The following TBC1D19 variants were observed in gnomAD, a reference collection of about 807,000 sequenced individuals.
TBC1D19 encodes the protein TBC1 domain family, member 19.
TBC1D19 carries 60 observed loss-of-function variants against 89.0 expected under a neutral mutation model. That is an observed-to-expected ratio of 0.67 (90% CI 0.55 to 0.84). The LOEUF is 0.84. Ranked by LOEUF, TBC1D19 falls within the 40% of genes least tolerant of loss-of-function variation. TBC1D19 has a pLI of 0.00. For synonymous variants in TBC1D19, 189 were observed against 199.7 expected (o/e 0.95, Z 0.45); for missense variants, 500 against 610.8 (o/e 0.82, Z 1.91).
the TBC1D19 span, among the ~76,000 whole-genome samples, chr4:26,850,879 C>T: frequency 5.3e-5 from 8 of 152,146 alleles, no homozygotes; most frequent in Non-Finnish European, 1.0e-4. Flanking sequence ...CTGGGCTTGT[C>T]TGAGAGGGTG....
At chr4:26,604,100 A>G (rs1740806372) in intron 1 of TBC1D19, among the ~76,000 whole-genome samples, 1 of 150,158 alleles carries the variant, frequency 6.7e-6, no homozygotes, top group Admixed American at 6.6e-5. Flanking sequence ...TTAGCCTGAT[A>G]TCATGAACGT....
rs776429980 is a variant in TBC1D19 at position 26,620,708 on chromosome 4, C to A, written c.294+20C>A. 7.5e-6 allele frequency: 12 copies of A among 1,608,694 alleles called. No homozygotes were observed. The highest frequency in any genetic ancestry group is 1.0e-5 in the Non-Finnish European group (12 of 1,176,616). On this transcript the variant is annotated intron_variant, in intron 4 of 20. Coordinates refer to ENST00000264866, the MANE Select transcript of TBC1D19 (RefSeq NM_018317.4). ...GCACAGGTTGGCTATTGTTCAATTT[C>A]ATTTTATTTTTTCATGCCAAGTTAT...
intron 15 of TBC1D19, among the ~76,000 whole-genome samples, chr4:26,734,061 G>T (rs1717822597): frequency 6.6e-6 from 1 of 152,164 alleles, no homozygotes; most frequent in Non-Finnish European, 1.5e-5. Flanking sequence ...AAATATTTCT[G>T]AACATTTTCA....
chr4:26,697,214 G>A (rs1714868779), intron 13 of TBC1D19, among the ~76,000 whole-genome samples: 1 of 152,134 alleles, frequency 6.6e-6, no homozygotes, highest in Non-Finnish European at 1.5e-5. Flanking sequence ...TACCATCAGA[G>A]AATACTATAA....
At chr4:26,685,258 C>T (rs573365286) in intron 12 of TBC1D19, among the ~76,000 whole-genome samples, 81 of 152,280 alleles carry the variant, frequency 5.3e-4, no homozygotes, top group Admixed American at 1.4e-3. Context: ...GGGCTGGGAG[C>T]GTGCCTCTCT....
At chr4:26,722,368 T>G (rs540040982) in intron 15 of TBC1D19, among the ~76,000 whole-genome samples, 3 of 152,242 alleles carry the variant, frequency 2.0e-5, no homozygotes, top group African/African-American at 4.8e-5. Context: ...TTCAACTTAG[T>G]TTAGAATATA....
At chr4:26,757,705 C>T (rs1719322051), downstream of TBC1D19, among the ~76,000 whole-genome samples, 1 of 152,160 alleles carries the variant, frequency 6.6e-6, no homozygotes, top group Non-Finnish European at 1.5e-5. Context: ...AAATAGAGAC[C>T]ATTAAGCTTG....
chr4:26,595,901 G>A (rs1465761620), intron 1 of TBC1D19, among the ~76,000 whole-genome samples: 1 of 152,016 alleles, frequency 6.6e-6, no homozygotes, highest in Non-Finnish European at 1.5e-5. Context: ...CTCCAACTTT[G>A]TTGTACTTCA....
intron 13 of TBC1D19, among the ~76,000 whole-genome samples, chr4:26,690,269 G>A (rs1714159821): frequency 6.6e-6 from 1 of 152,180 alleles, no homozygotes; most frequent in Non-Finnish European, 1.5e-5. Context: ...AAGGAAAAAT[G>A]CCATCTCCAT....
intron 8 of TBC1D19, 44 bp downstream of exon 8, chr4:26,659,751 C>A: frequency 7.6e-7 from 1 of 1,318,876 alleles, no homozygotes; most frequent in Non-Finnish European, 1.1e-6. Flanking sequence ...AGAAGATAAC[C>A]ATTAGAAAAA....
At chr4:26,710,072 G>C (rs1396008623) in intron 13 of TBC1D19, among the ~76,000 whole-genome samples, 1 of 151,790 alleles carries the variant, frequency 6.6e-6, no homozygotes, top group East Asian at 1.9e-4. Context: ...GGGCACATGT[G>C]CACAATGTGC....
chr4:26,576,951 T>C, intron 1 of TBC1D19: 1 of 422,240 alleles, frequency 2.4e-6, no homozygotes, highest in Admixed American at 2.6e-5. Flanking sequence ...GCTATAAAGG[T>C]ATTTTTGTAG....
the TBC1D19 span, among the ~76,000 whole-genome samples, chr4:26,781,550 G>A: frequency 6.6e-6 from 1 of 152,198 alleles, no homozygotes; most frequent in East Asian, 1.9e-4. Flanking sequence ...TTGGCCACAT[G>A]CAGGATGCTG....
At chr4:26,698,011 G>T (rs1427417857) in intron 13 of TBC1D19, among the ~76,000 whole-genome samples, 3 of 152,230 alleles carry the variant, frequency 2.0e-5, no homozygotes, top group Non-Finnish European at 2.9e-5. Context: ...GTTCTGGCCA[G>T]GGCAATCAGG....
chr4:26,683,198 TG>T (rs1202194553), intron 11 of TBC1D19, among the ~76,000 whole-genome samples: 1 of 152,200 alleles, frequency 6.6e-6, no homozygotes, highest in Non-Finnish European at 1.5e-5. Context: ...CTGAGTTTTT[TG>T]TATAGGTTGT....
the TBC1D19 span, among the ~76,000 whole-genome samples, chr4:26,774,622 A>G: frequency 2.2e-4 from 34 of 152,326 alleles, 1 homozygote; most frequent in East Asian, 6.0e-3. Context: ...TAGAAATACA[A>G]TTGATTTTTG....
At chr4:26,671,627 C>T (rs993682982) in intron 9 of TBC1D19, among the ~76,000 whole-genome samples, 6 of 151,552 alleles carry the variant, frequency 4.0e-5, no homozygotes, top group Non-Finnish European at 5.9e-5. Context: ...ATTTGTAGAG[C>T]GAGATTTTTC....
At chr4:26,734,986 A>ATG (rs779345680) in intron 15 of TBC1D19, among the ~76,000 whole-genome samples, 1 of 150,472 alleles carries the variant, frequency 6.6e-6, no homozygotes, top group Non-Finnish European at 1.5e-5. Context: ...ACATATGTAT[A>ATG]TGTATATATG....
chr4:26,582,981 C>A (rs368049267), upstream of TBC1D19, among the ~76,000 whole-genome samples: 1 of 152,268 alleles, frequency 6.6e-6, no homozygotes, highest in Non-Finnish European at 1.5e-5. Context: ...GTCAGAAATG[C>A]GGTTTACCAG....
Sources: gnomAD v4.1 joint callset for allele counts (sites outside exome capture counted in the v4.1 genomes callset) on GRCh38, gnomAD v4.1.1 for gene constraint, MANE v1.5 for transcripts, NCBI Gene and HGNC (gene_info 2026-07-23, HGNC 2026-07-21) for gene names.